The following GPA33 variants were observed in gnomAD, a reference collection of about 807,000 sequenced individuals.
The protein encoded by GPA33 is glycoprotein A33.
Under a neutral mutation model 35.6 loss-of-function variants are expected in GPA33, and 27 were observed. That is an observed-to-expected ratio of 0.76 (90% CI 0.56 to 1.04). GPA33 has a LOEUF of 1.04. Among genes scored for constraint, GPA33 ranks in the 50% least tolerant of loss-of-function variants. GPA33 has a pLI of 0.00. For synonymous variants in GPA33, 176 were observed against 164.0 expected, an observed-to-expected ratio of 1.07 and a Z score of -0.56; for missense variants, 428 against 411.9, an observed-to-expected ratio of 1.04 and a Z score of -0.34.
intron 4 of GPA33, among the ~76,000 whole-genome samples, chr1:167,060,189 C>T (rs1666404885): frequency 6.6e-6 from 1 of 152,236 alleles, no homozygotes; most frequent in South Asian, 2.1e-4. Flanking sequence ...CTTCCCACCT[C>T]AGCCTCCCAA....
intron 4 of GPA33, among the ~76,000 whole-genome samples, chr1:167,059,887 T>C (rs1666396730): frequency 6.6e-6 from 1 of 152,190 alleles, no homozygotes; most frequent in Non-Finnish European, 1.5e-5. Context: ...CACTGCTAGC[T>C]TGTTTCCACT....
intron 2 of GPA33, among the ~76,000 whole-genome samples, chr1:167,071,765 T>C (rs1412767983): frequency 1.3e-5 from 2 of 152,092 alleles, no homozygotes; most frequent in Non-Finnish European, 2.9e-5. Flanking sequence ...TCCCTGGACC[T>C]CCGCCAGGCT....
intron 4 of GPA33, among the ~76,000 whole-genome samples, chr1:167,056,747 T>TATGTGTG (rs1666294167): frequency 4.5e-4 from 1 of 2,200 alleles, no homozygotes; most frequent in East Asian, 0.013. Context: ...GTGTGTGTGG[T>TATGTGTG]GTGTGTATGG....
intron 3 of GPA33, among the ~76,000 whole-genome samples, 191 bp from the exon 4 acceptor site, chr1:167,063,928 A>T (rs893660720): frequency 7.2e-5 from 11 of 152,072 alleles, no homozygotes; most frequent in African/African-American, 2.7e-4. Context: ...GTGGTCTGTC[A>T]CCACCACAAA....
chr1:167,056,546 G>C (rs1280326458), intron 4 of GPA33, among the ~76,000 whole-genome samples: 1 of 76,818 alleles, frequency 1.3e-5, no homozygotes, highest in Non-Finnish European at 3.0e-5. Flanking sequence ...CTCTGTGAGA[G>C]TAGTGTGTGT....
In GPA33 at chr1:167,055,720, C is replaced by A. The variant is rs548821304; in HGVS notation, c.691+10G>T. On this transcript the variant is annotated intron_variant, in intron 5 of 6. Coordinates refer to ENST00000367868, the MANE Select transcript of GPA33 (RefSeq NM_005814.3). ...CGTTTGTCAGCCCTCCCCCCGCAGG[C>A]TGCTCTTACGAGATCTGACGGCCAC... 1 of 1,613,790 alleles carries A rather than the reference C, an allele frequency of 6.2e-7. No homozygotes were observed. Among genetic ancestry groups the A allele is most frequent in the African/African-American group, 1.3e-5 (1 of 75,042 alleles).
In GPA33 at chr1:167,055,662, T is replaced by A. The variant is rs550600970; in HGVS notation, c.691+68A>T. 27 of 1,576,752 alleles carry A rather than the reference T, an allele frequency of 1.7e-5. 1 individual carries two copies. In the South Asian group the frequency reaches 3.0e-4, roughly 18 times the overall value. On this transcript the variant is annotated intron_variant, in intron 5 of 6. Transcript: ENST00000367868. Reference sequence around the variant, plus strand: ...TATTCCTCCTCACGGTGGTCTCAGCTGACTTTCTGGACCCCCACCAGTTAT... The same window carrying A: ...TATTCCTCCTCACGGTGGTCTCAGCAGACTTTCTGGACCCCCACCAGTTAT...
intron 4 of GPA33, among the ~76,000 whole-genome samples, 153 bp downstream of exon 4, chr1:167,063,429 T>C (rs868374856): frequency 6.6e-6 from 1 of 152,028 alleles, no homozygotes; most frequent in Non-Finnish European, 1.5e-5. Context: ...AACCAGTGCT[T>C]AGAGAGGTGG....
intron 1 of GPA33, among the ~76,000 whole-genome samples, chr1:167,085,423 T>C (rs1375254240): frequency 6.6e-6 from 1 of 152,222 alleles, no homozygotes; most frequent in Non-Finnish European, 1.5e-5. Flanking sequence ...CCAGGCTTCC[T>C]GGTGACCAGC....
rs569781610 is a variant in GPA33, at chr1:167,065,533, G to A, written c.416-1796C>T. Among the ~76,000 whole-genome samples the A allele has an allele frequency of 7.2e-5, 11 of 152,232 alleles. No individual in the cohort carries two copies. The South Asian group carries it at 1.7e-3, about 23-fold the overall frequency. The stretch of plus-strand genomic sequence containing the variant: ...TCACATCCCCTTGGATGGCTTGCTC[G>A]CTCAATAAACAGTGCTGCCCATTCT... On this transcript the variant is annotated intron_variant, in intron 3 of 6. Coordinates refer to ENST00000367868, the MANE Select transcript of GPA33 (RefSeq NM_005814.3).
intron 1 of GPA33, among the ~76,000 whole-genome samples, chr1:167,080,645 G>A (rs1052598078): frequency 7.2e-5 from 11 of 152,184 alleles, no homozygotes; most frequent in Non-Finnish European, 1.3e-4. Flanking sequence ...ACTGTGAAGT[G>A]AGCATCATCA....
rs143085958 is a variant in GPA33, at chr1:167,067,178, T to C, written c.415+1744A>G. Among the ~76,000 whole-genome samples the C allele has an allele frequency of 1.7e-3, 254 of 152,286 alleles. 1 individual carries two copies. Among genetic ancestry groups the C allele is most frequent in the African/African-American group, 5.7e-3 (236 of 41,574 alleles). On this transcript the variant is annotated intron_variant, in intron 3 of 6. Coordinates refer to ENST00000367868, the MANE Select transcript of GPA33 (RefSeq NM_005814.3). ...GCTTGCTCGCTTGCTCGCTTGTTTG[T>C]TTTGAGGCCGGTCTCTGTCACCCAG...
At chr1:167,060,480 T>C (rs147839235) in intron 4 of GPA33, among the ~76,000 whole-genome samples, 1 of 152,356 alleles carries the variant, frequency 6.6e-6, no homozygotes, top group East Asian at 1.9e-4. Flanking sequence ...CATGTTGTTA[T>C]GGACATTAAC....
At chr1:167,056,624 GTGTGTGA>G (rs1666271337) in intron 4 of GPA33, among the ~76,000 whole-genome samples, 3 of 124,104 alleles carry the variant, frequency 2.4e-5, no homozygotes, top group Non-Finnish European at 3.5e-5. Flanking sequence ...TGTGTGGTGA[GTGTGTGA>G]TGTGTGTGGT....
At position 167,053,304 on chromosome 1, in the gene GPA33, C is replaced by G. The variant is rs1359171938; in HGVS notation, c.*1030G>C. The G allele has an allele frequency of 6.6e-6, 1 of 152,260 alleles. No individual in the cohort carries two copies. Among genetic ancestry groups the G allele is most frequent in the East Asian group, 1.9e-4 (1 of 5,198 alleles). 9.4% of individuals were successfully genotyped at this position (152,260 alleles called of 1,614,324 possible). A position where few individuals can be genotyped will look rare whatever the true frequency, so the allele number is the denominator to read the frequency against. On this transcript the variant is annotated 3_prime_UTR_variant, in exon 7 of 7. Coordinates refer to ENST00000367868, the MANE Select transcript of GPA33 (RefSeq NM_005814.3). Reference sequence around the variant, plus strand: ...AAGCAAGCTCCCTTGTGTGTGTTCACTTTAAATCAATTCGTGTTTAACTCA... The same window carrying G: ...AAGCAAGCTCCCTTGTGTGTGTTCAGTTTAAATCAATTCGTGTTTAACTCA...
chr1:167,090,291 C>T lies in GPA33; in HGVS notation c.-4G>A, dbSNP rs200801842. On this transcript the variant is annotated 5_prime_UTR_variant, in exon 1 of 7. Coordinates refer to ENST00000367868, the MANE Select transcript of GPA33 (RefSeq NM_005814.3). ...CAGGCCACATCTTCCCCACCATGGT[C>T]TTGCTTCTTCTCTGCCCTAAACCTA... 6 of 1,613,228 alleles carry T rather than the reference C, an allele frequency of 3.7e-6. No homozygotes were observed. In the African/African-American group the frequency reaches 6.7e-5, roughly 18 times the overall value.
chr1:167,083,545 G>A (rs1002713333), intron 1 of GPA33, among the ~76,000 whole-genome samples: 12 of 152,232 alleles, frequency 7.9e-5, no homozygotes, highest in Non-Finnish European at 1.6e-4. Context: ...TGCAGTTGCT[G>A]CTCTCACGGC....
At chr1:167,087,284 A>G (rs190150830) in intron 1 of GPA33, among the ~76,000 whole-genome samples, 6 of 152,256 alleles carry the variant, frequency 3.9e-5, no homozygotes, top group Non-Finnish European at 8.8e-5. Context: ...CACAGTAATA[A>G]TAATAACTGC....
intron 3 of GPA33, among the ~76,000 whole-genome samples, chr1:167,064,453 C>T (rs1558005668): frequency 6.6e-6 from 1 of 152,144 alleles, no homozygotes; most frequent in Non-Finnish European, 1.5e-5. Flanking sequence ...ATATGAGCTC[C>T]TTCTGCCACT....
Sources: allele counts gnomAD v4.1 joint callset (sites outside exome capture counted in the v4.1 genomes callset), GRCh38; gene constraint gnomAD v4.1.1; transcripts MANE v1.5; gene names NCBI Gene and HGNC (gene_info 2026-07-23, HGNC 2026-07-21).